TAF1B: variants seen among roughly 807,000 people sequenced by gnomAD.
The protein encoded by TAF1B is TATA-box binding protein associated factor, RNA polymerase I subunit B, also known as TATA box-binding protein-associated factor RNA polymerase I subunit B.
Under a neutral mutation model 83.9 loss-of-function variants are expected in TAF1B, and 61 were observed. That is an observed-to-expected ratio of 0.73 (90% CI 0.59 to 0.90). TAF1B has a LOEUF of 0.90. Among genes scored for constraint, TAF1B ranks in the 40% least tolerant of loss-of-function variants. TAF1B has a pLI of 0.00. For synonymous variants in TAF1B, 221 were observed against 224.6 expected (o/e 0.98, Z 0.14); for missense variants, 625 against 677.0 (o/e 0.92, Z 0.85).
intron 5 of TAF1B, among the ~76,000 whole-genome samples, chr2:9,864,579 G>A (rs953450582): frequency 2.6e-5 from 4 of 152,132 alleles, no homozygotes; most frequent in East Asian, 1.9e-4. Flanking sequence ...ATCCTCCCTA[G>A]CTCATTTTAT....
At position 9,882,798 on chromosome 2, in the gene TAF1B, G is replaced by A. The variant is rs778775179; in HGVS notation, c.800G>A (p.Gly267Asp). 5 of 1,602,490 alleles carry A rather than the reference G, an allele frequency of 3.1e-6. No individual in the cohort carries two copies. Among genetic ancestry groups the A allele is most frequent in the Non-Finnish European group, 4.3e-6 (5 of 1,174,836 alleles). Reference sequence around the variant, plus strand: ...TATGGACGTGACAGAGGAATCTTTGGTATAGAGGTAAGTTATTTTCTTTTT... The same window carrying A: ...TATGGACGTGACAGAGGAATCTTTGATATAGAGGTAAGTTATTTTCTTTTT... ...KLYGRDRGIF[G>D]IESWPDYEDI... Residue 267 changes from glycine (G) to aspartate (D), a missense_variant, in exon 8 of 15, where the codon GGT (glycine) becomes GAT (aspartate). Gly to Asp is a moderately conservative substitution (Grantham distance 94). Transcript: ENST00000263663.
intron 4 of TAF1B, chr2:9,852,007 C>T (rs1477851786): frequency 1.5e-5 from 7 of 477,384 alleles, no homozygotes; most frequent in East Asian, 6.8e-5. Context: ...AGAACAAAAT[C>T]GTTTGGTGTA....
intron 14 of TAF1B, among the ~76,000 whole-genome samples, chr2:9,927,593 G>T (rs4669499): frequency 6.6e-6 from 1 of 152,108 alleles, no homozygotes; most frequent in East Asian, 1.9e-4. Context: ...TCTCATTGTG[G>T]TTTTGATTTG....
At chr2:9,850,167 C>T (rs1663341110) in intron 3 of TAF1B, among the ~76,000 whole-genome samples, 1 of 152,030 alleles carries the variant, frequency 6.6e-6, no homozygotes, top group Admixed American at 6.6e-5. Flanking sequence ...TAGGCTAAAA[C>T]CTGATTAACT....
intron 8 of TAF1B, among the ~76,000 whole-genome samples, chr2:9,896,036 G>A (rs1572260517): frequency 6.6e-6 from 1 of 152,084 alleles, no homozygotes; most frequent in Non-Finnish European, 1.5e-5. Flanking sequence ...ATGCATGCTG[G>A]AACAATTTAT....
At chr2:9,863,400 T>A (rs1159585825) in intron 5 of TAF1B, among the ~76,000 whole-genome samples, 1 of 152,200 alleles carries the variant, frequency 6.6e-6, no homozygotes. Flanking sequence ...GAGCTAACTA[T>A]CCTAAATATA....
chr2:9,929,871 T>C (rs557742752), intron 14 of TAF1B, among the ~76,000 whole-genome samples: 144 of 152,336 alleles, frequency 9.5e-4, no homozygotes, highest in African/African-American at 3.4e-3. Context: ...GAACCTGTTA[T>C]TGGTCTATTC....
intron 5 of TAF1B, among the ~76,000 whole-genome samples, chr2:9,863,308 T>C (rs1450739271): frequency 1.3e-5 from 2 of 152,174 alleles, no homozygotes; most frequent in Non-Finnish European, 2.9e-5. Flanking sequence ...TAGTCTCTGA[T>C]AAAACAGACT....
chr2:9,848,666 C>CA (rs3032346), intron 2 of TAF1B, among the ~76,000 whole-genome samples: 106 of 140,196 alleles, frequency 7.6e-4, no homozygotes, highest in East Asian at 3.3e-3. Flanking sequence ...AACTCCCTCT[C>CA]AAAAAAAAAA....
intron 8 of TAF1B, among the ~76,000 whole-genome samples, chr2:9,902,129 G>C (rs1230285010): frequency 6.6e-6 from 1 of 151,886 alleles, no homozygotes; most frequent in African/African-American, 2.4e-5. Flanking sequence ...AAAATTAACA[G>C]TGTAATTGTC....
chr2:9,848,159 T>TA lies in TAF1B; in HGVS notation c.118-1213dup, dbSNP rs1663269067. Among the ~76,000 whole-genome samples the TA allele has an allele frequency of 2.0e-5, 3 of 152,232 alleles. No homozygotes were observed. The South Asian group carries it at 6.2e-4, about 31-fold the overall frequency. On this transcript the variant is annotated intron_variant, in intron 2 of 14. Coordinates refer to ENST00000263663, the MANE Select transcript of TAF1B (RefSeq NM_005680.3). ...CTTTTGTATTTATTTTGACGTGTCT[T>TA]ATGTTTTCAGTGTGGCCAACCCAGT...
rs1665619774 is a variant in TAF1B at position 9,914,438 on chromosome 2, G to C, written c.1271+1189G>C. Among the ~76,000 whole-genome samples the C allele has an allele frequency of 6.6e-6, 1 of 152,114 alleles. No homozygotes were observed. The highest frequency in any genetic ancestry group is 2.4e-5 in the African/African-American group (1 of 41,414). ...TGTCTTAGGTCATTTTGGAGAATCAGCCTTCCTTTCTGTGGTGCTAGCTGG... is the reference window on the plus strand; with the variant it reads ...TGTCTTAGGTCATTTTGGAGAATCACCCTTCCTTTCTGTGGTGCTAGCTGG... On this transcript the variant is annotated intron_variant, in intron 12 of 14. Coordinates refer to ENST00000263663, the MANE Select transcript of TAF1B (RefSeq NM_005680.3). This position sits in a 1 kb window ranked among gnomAD's most constrained non-coding sequence, Gnocchi z 4.3.
Position 9,845,260 on chromosome 2 carries a change from C to G in TAF1B, c.59C>G (p.Ser20Ter). The change falls in exon 2 of 15, where the codon TCA (serine) becomes TGA (stop). Residue 20 changes from serine to a stop codon, truncating the protein, a stop_gained. Coordinates refer to ENST00000263663, the MANE Select transcript of TAF1B (RefSeq NM_005680.3). LOFTEE classifies it high-confidence loss of function. ...CGCTGTACTCAGTGTGCTGCTGTCT[C>G]ATGGGGTCTTACTGATGAAGGCAAA... ...KERCTQCAAV[S>*]WGLTDEGKYY... 3 of 1,613,974 alleles carry G rather than the reference C, an allele frequency of 1.9e-6. No individual in the cohort carries two copies. The highest frequency in any genetic ancestry group is 2.5e-6 in the Non-Finnish European group (3 of 1,179,916).
chr2:9,846,769 T>A (rs1173101266), intron 2 of TAF1B, among the ~76,000 whole-genome samples: 1 of 152,216 alleles, frequency 6.6e-6, no homozygotes, highest in Admixed American at 6.5e-5. Context: ...ATGTGCTCAC[T>A]TGATGAAATT....
At chr2:9,845,929 G>A (rs1382884098) in intron 2 of TAF1B, 5 of 353,232 alleles carry the variant, frequency 1.4e-5, no homozygotes, top group Non-Finnish European at 2.3e-5. Flanking sequence ...GTTGCAGTGA[G>A]ACGAGATCAC....
intron 14 of TAF1B, among the ~76,000 whole-genome samples, chr2:9,926,945 A>G (rs918405502): frequency 1.3e-5 from 2 of 151,990 alleles, no homozygotes; most frequent in African/African-American, 4.8e-5. Flanking sequence ...ACATAGATAC[A>G]TGTGCCATGT....
rs183086924 is a variant in TAF1B, at chr2:9,843,724, C to T, written c.18+165C>T. On this transcript the variant is annotated intron_variant, in intron 1 of 14. Transcript: ENST00000263663. ...GGGCTAAGGACTGGGGCTGGCCGGC[C>T]GCATGCGCGCGCGGCTTTGGTAAAG... 6 of 679,548 alleles carry T rather than the reference C, an allele frequency of 8.8e-6. No homozygotes were observed. In the Admixed American group the frequency reaches 1.9e-4, roughly 22 times the overall value. The allele number at this position is 679,548 out of a possible 1,614,324, so 42.1% of individuals were successfully genotyped here.
At chr2:9,923,018 T>C (rs1249696670) in intron 14 of TAF1B, among the ~76,000 whole-genome samples, 2 of 151,862 alleles carry the variant, frequency 1.3e-5, no homozygotes, top group Non-Finnish European at 2.9e-5. Flanking sequence ...CTGAGGCAGG[T>C]GGATCACTTG....
At chr2:9,904,591 C>A (rs944627374) in intron 8 of TAF1B, among the ~76,000 whole-genome samples, 2 of 152,082 alleles carry the variant, frequency 1.3e-5, no homozygotes, top group Non-Finnish European at 2.9e-5. Context: ...TGACATATTC[C>A]TTTGGGTATA....
Sources: gnomAD v4.1 joint callset for allele counts (sites outside exome capture counted in the v4.1 genomes callset) on GRCh38, gnomAD v4.1.1 for gene constraint, Gnocchi (gnomAD v3.1) non-coding constraint, MANE v1.5 for transcripts, NCBI Gene and HGNC (gene_info 2026-07-23, HGNC 2026-07-21) for gene names.